Variants in CRISP2 observed in about 807,000 individuals in gnomAD.
The protein encoded by CRISP2 is cysteine-rich secretory protein 2.
A neutral mutation model predicts 31.7 loss-of-function variants in CRISP2; 29 were observed. The ratio of observed to expected loss-of-function variants is 0.92; its 90% CI spans 0.68 to 1.25. CRISP2 has a LOEUF of 1.25. CRISP2 is among the 50% of genes most tolerant of loss of function. CRISP2 has a pLI of 0.00. For missense variants in CRISP2, 318 were observed against 286.5 expected, an observed-to-expected ratio of 1.11 and a Z score of -0.79; for synonymous variants, 111 against 101.4, an observed-to-expected ratio of 1.09 and a Z score of -0.57.
chr6:49,678,787 T>C, the CRISP2 span, among the ~76,000 whole-genome samples: 1 of 152,098 alleles, frequency 6.6e-6, no homozygotes, highest in Non-Finnish European at 1.5e-5. Context: ...TACAAAGGTC[T>C]TTCACCTGAA....
At chr6:49,700,882 A>G (rs910886113) in intron 4 of CRISP2, 98 bp from the exon 5 acceptor site, 4 of 704,420 alleles carry the variant, frequency 5.7e-6, no homozygotes, top group African/African-American at 5.5e-5. Flanking sequence ...CACTTTAAAA[A>G]GTGCAAAATA....
At chr6:49,707,592 C>A (rs1280350797) in intron 4 of CRISP2, among the ~76,000 whole-genome samples, 2 of 152,082 alleles carry the variant, frequency 1.3e-5, no homozygotes, top group African/African-American at 2.4e-5. Flanking sequence ...AAAAGAACAG[C>A]AAATTATTTG....
Position 49,698,354 on chromosome 6 carries a change from C to T in CRISP2, c.417+8G>A. 6.2e-7 allele frequency: 1 copy of T among 1,612,578 alleles called. No homozygotes were observed. The highest frequency in any genetic ancestry group is 1.3e-5 in the African/African-American group (1 of 74,942). On this transcript the variant is annotated splice_region_variant and intron_variant, in intron 7 of 9. Coordinates refer to ENST00000339139, the MANE Select transcript of CRISP2 (RefSeq NM_003296.4). ...TGTGACATAGGTATTTTCATGCATTCTTCTTACCTGAGTATAATGTCCAAC... is the reference window on the plus strand; with the variant it reads ...TGTGACATAGGTATTTTCATGCATTTTTCTTACCTGAGTATAATGTCCAAC...
chr6:49,692,876 A>G lies in CRISP2; in HGVS notation c.629T>C (p.Leu210Pro). The G allele has an allele frequency of 6.2e-7, 1 of 1,613,710 alleles. No individual in the cohort carries two copies. Among genetic ancestry groups the G allele is most frequent in the Non-Finnish European group, 8.5e-7 (1 of 1,179,694 alleles). Residue 210 changes from leucine (L) to proline (P), a missense_variant, in exon 10 of 10, where the codon CTC becomes CCC. Physicochemically the swap from Leu to Pro is moderately conservative, Grantham distance 98. Coordinates refer to ENST00000339139, the MANE Select transcript of CRISP2 (RefSeq NM_003296.4). ...LCTNSCQYQD[L>P]LSNCDSLKNT... ...CTTCAAGGAATCACAGTTACTTAGG[A>G]GATCTTGATACTGGCAACTATTGGC... is the stretch of plus-strand genomic sequence containing the variant.
At chr6:49,712,791 A>G (rs1768263455) in intron 1 of CRISP2, among the ~76,000 whole-genome samples, 187 bp from the exon 2 acceptor site, 1 of 152,164 alleles carries the variant, frequency 6.6e-6, no homozygotes, top group Non-Finnish European at 1.5e-5. Context: ...TTGTATTTCA[A>G]CGCCCTGATA....
At chr6:49,684,092 C>T in the CRISP2 span, among the ~76,000 whole-genome samples, 14 of 151,806 alleles carry the variant, frequency 9.2e-5, no homozygotes, top group African/African-American at 3.4e-4. Context: ...GTTTCCTCAT[C>T]CGTAAAATAA....
the CRISP2 span, among the ~76,000 whole-genome samples, chr6:49,680,267 C>T: frequency 6.6e-6 from 1 of 152,228 alleles, no homozygotes; most frequent in Non-Finnish European, 1.5e-5. Context: ...TTTTCTGTTT[C>T]TGTGTTAGTT....
chr6:49,693,435 C>T lies in CRISP2; in HGVS notation c.605-535G>A, dbSNP rs184111609. On this transcript the variant is annotated intron_variant, in intron 9 of 9. Coordinates refer to ENST00000339139, the MANE Select transcript of CRISP2 (RefSeq NM_003296.4). ...GGCAGCATGGCATTACACTCCAATGCTTTTTTTGAGTAAATAATCTTTATG... is the reference window on the plus strand; with the variant it reads ...GGCAGCATGGCATTACACTCCAATGTTTTTTTTGAGTAAATAATCTTTATG... Among the ~76,000 whole-genome samples, 368 of 152,198 alleles carry T rather than the reference C, an allele frequency of 2.4e-3. 6 individuals are homozygous for T. The Middle Eastern group carries it at 0.034, about 14-fold the overall frequency.
intron 9 of CRISP2, among the ~76,000 whole-genome samples, chr6:49,695,341 G>A (rs2127389218): frequency 6.6e-6 from 1 of 152,152 alleles, no homozygotes. Context: ...CATTTATTAA[G>A]GCAAACACTA....
the CRISP2 span, among the ~76,000 whole-genome samples, chr6:49,683,414 C>T: frequency 3.3e-5 from 5 of 150,952 alleles, no homozygotes; most frequent in East Asian, 5.9e-4. Context: ...GTGGCTCATG[C>T]CTGTAATCCC....
At chr6:49,702,060 T>C (rs614663) in intron 4 of CRISP2, among the ~76,000 whole-genome samples, 27,291 of 110,628 alleles carry the variant, frequency 0.25, 3,825 homozygotes, top group East Asian at 0.47. Flanking sequence ...ATTATATATG[T>C]ATACATTAAT....
At chr6:49,698,310 T>C in intron 7 of CRISP2, 52 bp downstream of exon 7, 3 of 1,593,268 alleles carry the variant, frequency 1.9e-6, no homozygotes, top group Non-Finnish European at 2.6e-6. Flanking sequence ...TTGGAGAAGC[T>C]TTCCTCTATT....
chr6:49,693,326 A>G (rs993392350), intron 9 of CRISP2, among the ~76,000 whole-genome samples: 1 of 152,178 alleles, frequency 6.6e-6, no homozygotes, highest in African/African-American at 2.4e-5. Context: ...TGGTTTCTTA[A>G]TCTTGTTAGC....
At chr6:49,692,264 T>C (rs1396124326), downstream of CRISP2, 3 of 147,876 alleles carry the variant, frequency 2.0e-5, no homozygotes, top group East Asian at 6.1e-4. Context: ...ATGGTATAAA[T>C]ATTGCATAAG....
downstream of CRISP2, among the ~76,000 whole-genome samples, chr6:49,692,166 G>A (rs1446581304): frequency 1.3e-5 from 2 of 152,066 alleles, no homozygotes; most frequent in Admixed American, 1.3e-4. Context: ...TTAATTTTTT[G>A]TTAAAATTTA....
upstream of CRISP2, among the ~76,000 whole-genome samples, chr6:49,713,798 G>A (rs1768437753): frequency 6.6e-6 from 1 of 152,196 alleles, no homozygotes; most frequent in Non-Finnish European, 1.5e-5. Context: ...GAGGAGGAGG[G>A]AGGTCATATA....
At chr6:49,682,634 T>C in the CRISP2 span, among the ~76,000 whole-genome samples, 4 of 71,826 alleles carry the variant, frequency 5.6e-5, no homozygotes, top group African/African-American at 8.6e-5. Flanking sequence ...TTTCTTTCTT[T>C]CTTTCTTTCT....
chr6:49,698,258 C>T, intron 7 of CRISP2, 104 bp downstream of exon 7: 1 of 1,334,048 alleles, frequency 7.5e-7, no homozygotes, highest in Non-Finnish European at 1.0e-6. Flanking sequence ...ATTCTACCCA[C>T]TCGGACTGTT....
At chr6:49,678,188 T>C in the CRISP2 span, among the ~76,000 whole-genome samples, 1 of 152,160 alleles carries the variant, frequency 6.6e-6, no homozygotes, top group Non-Finnish European at 1.5e-5. Flanking sequence ...ACACAACAAG[T>C]ATACCCTGAA....
Sources: gnomAD v4.1 joint callset for allele counts (sites outside exome capture counted in the v4.1 genomes callset) on GRCh38, gnomAD v4.1.1 for gene constraint, MANE v1.5 for transcripts, NCBI Gene and HGNC (gene_info 2026-07-23, HGNC 2026-07-21) for gene names.